The following FUBP3 variants were observed in gnomAD, a reference collection of about 807,000 sequenced individuals.
FUBP3 encodes far upstream element-binding protein 3.
Under a neutral mutation model 85.6 loss-of-function variants are expected in FUBP3, and 28 were observed. The observed-to-expected ratio is 0.33, with a 90% CI of 0.24 to 0.45. The LOEUF is 0.45. Ranked by LOEUF, FUBP3 falls within the 20% of genes least tolerant of loss-of-function variation. The probability of loss-of-function intolerance (pLI) is 1.00; values close to 1 mark genes in which losing one functional copy is unlikely to be tolerated. For synonymous variants in FUBP3, 271 were observed against 271.4 expected (o/e 1.00, Z 0.01); for missense variants, 583 against 755.1 (o/e 0.77, Z 2.67).
intron 11 of FUBP3, among the ~76,000 whole-genome samples, chr9:130,625,649 C>T (rs747382821): frequency 1.3e-5 from 2 of 152,234 alleles, no homozygotes; most frequent in Non-Finnish European, 2.9e-5. Context: ...TGAAAGGGCT[C>T]TTCCTCTGTC....
intron 16 of FUBP3, among the ~76,000 whole-genome samples, chr9:130,633,566 A>T (rs1564229172): frequency 6.6e-6 from 1 of 152,172 alleles, no homozygotes; most frequent in Non-Finnish European, 1.5e-5. Flanking sequence ...TCTTGCCGCC[A>T]TTGGGCAGCC....
At chr9:130,620,605 G>A (rs1408847976) in intron 9 of FUBP3, 147 bp downstream of exon 9, 1 of 463,566 alleles carries the variant, frequency 2.2e-6, no homozygotes, top group African/African-American at 2.0e-5. Flanking sequence ...GTGGGTGTGA[G>A]GGTGGACTGG....
intron 2 of FUBP3, among the ~76,000 whole-genome samples, chr9:130,606,396 C>CG (rs1053694327): frequency 7.9e-4 from 120 of 152,308 alleles, no homozygotes; most frequent in African/African-American, 2.9e-3. Context: ...CCACCCCCCC[C>CG]CAACAGACTC....
chr9:130,623,568 C>T (rs1829841521), intron 10 of FUBP3, 43 bp from the exon 11 acceptor site: 2 of 1,252,254 alleles, frequency 1.6e-6, no homozygotes, highest in African/African-American at 1.5e-5. Flanking sequence ...TTCCTTCTAA[C>T]GTTGGGCTTT....
chr9:130,612,604 T>C lies in FUBP3; in HGVS notation c.274+99T>C, dbSNP rs1831801886. 2 of 810,722 alleles carry C rather than the reference T, an allele frequency of 2.5e-6. No individual in the cohort carries two copies. Among genetic ancestry groups the C allele is most frequent in the Admixed American group, 4.2e-5 (2 of 47,628 alleles). 50.2% of individuals were successfully genotyped at this position (810,722 alleles called of 1,614,324 possible). On this transcript the variant is annotated intron_variant, in intron 4 of 18. Transcript: ENST00000319725. The surrounding 1 kb of genome is among the most constrained non-coding windows in gnomAD (Gnocchi z 4.1). ...TGCCAGGATGTTCTTTTTGTTTTAA[T>C]CTCTCTTGTGAGTATCACCTGTAGT...
chr9:130,582,640 C>A (rs891205643), intron 1 of FUBP3, among the ~76,000 whole-genome samples: 1 of 152,208 alleles, frequency 6.6e-6, no homozygotes, highest in Non-Finnish European at 1.5e-5. Flanking sequence ...TCCTGTTCCA[C>A]AGCCGTCCTC....
intron 2 of FUBP3, among the ~76,000 whole-genome samples, chr9:130,603,565 G>A (rs1268833571): frequency 6.6e-6 from 1 of 152,114 alleles, no homozygotes; most frequent in African/African-American, 2.4e-5. Flanking sequence ...GTTGGAAAAA[G>A]GCAGTGAGAT....
intron 5 of FUBP3, among the ~76,000 whole-genome samples, 168 bp from the exon 6 acceptor site, chr9:130,614,120 G>C (rs145384699): frequency 7.5e-4 from 115 of 152,348 alleles, no homozygotes; most frequent in African/African-American, 2.7e-3. Flanking sequence ...CTAGGGTGGA[G>C]CTACCAGCTT....
intron 12 of FUBP3, among the ~76,000 whole-genome samples, chr9:130,627,251 G>A (rs987593640): frequency 7.2e-5 from 11 of 152,244 alleles, no homozygotes; most frequent in African/African-American, 1.4e-4. Flanking sequence ...AGCAGGGCTC[G>A]GCTTCCGTGG....
intron 2 of FUBP3, among the ~76,000 whole-genome samples, chr9:130,607,137 A>C (rs1167257109): frequency 6.9e-6 from 1 of 143,924 alleles, no homozygotes; most frequent in African/African-American, 2.5e-5. Flanking sequence ...TAATTTGTGT[A>C]TTTTTTTTTT....
intron 2 of FUBP3, among the ~76,000 whole-genome samples, chr9:130,602,894 T>G (rs1831224495): frequency 6.6e-6 from 1 of 152,112 alleles, no homozygotes; most frequent in Non-Finnish European, 1.5e-5. Context: ...CGTCTGCCCC[T>G]GAAGGTTATG....
chr9:130,627,580 G>C (rs975610830), intron 12 of FUBP3, among the ~76,000 whole-genome samples: 5 of 152,210 alleles, frequency 3.3e-5, no homozygotes, highest in African/African-American at 1.2e-4. Flanking sequence ...AAGAAACCGT[G>C]TTGTCTTTTA....
chr9:130,597,655 C>A (rs1830937415), intron 2 of FUBP3, among the ~76,000 whole-genome samples: 1 of 152,108 alleles, frequency 6.6e-6, no homozygotes, highest in African/African-American at 2.4e-5. Context: ...AGACAACTGA[C>A]AAAAAGGGGC....
intron 18 of FUBP3, among the ~76,000 whole-genome samples, chr9:130,636,682 C>G (rs141426899): frequency 6.4e-4 from 98 of 152,358 alleles, no homozygotes; most frequent in African/African-American, 2.3e-3. Context: ...GGGCGCATTT[C>G]CCACCTGATG....
chr9:130,616,296 T>G lies in FUBP3; in HGVS notation c.405-59T>G. 6.4e-7 allele frequency: 1 copy of G among 1,550,596 alleles called. No individual in the cohort carries two copies. The highest frequency in any genetic ancestry group is 8.9e-7 in the Non-Finnish European group (1 of 1,126,114). ...TTCCCTCAGTGCTATTTCCCTGTCT[T>G]GCACACTTAGAGCCTCCATTTAATG... On this transcript the variant is annotated intron_variant, in intron 6 of 18. Coordinates refer to ENST00000319725, the MANE Select transcript of FUBP3 (RefSeq NM_003934.2). This position sits in a 1 kb window ranked among gnomAD's most constrained non-coding sequence, Gnocchi z 4.7.
chr9:130,617,768 G>A, intron 7 of FUBP3, 29 bp from the exon 8 acceptor site: 1 of 1,308,140 alleles, frequency 7.6e-7, no homozygotes, highest in South Asian at 1.2e-5. Flanking sequence ...CATTATTCAT[G>A]AGGCTGTGCT....
At chr9:130,607,649 T>C (rs1181513337) in intron 2 of FUBP3, among the ~76,000 whole-genome samples, 1 of 152,230 alleles carries the variant, frequency 6.6e-6, no homozygotes, top group Non-Finnish European at 1.5e-5. Context: ...GAGTTGGACA[T>C]AGAAGTTGGC....
rs773413870 is a variant in FUBP3 at position 130,630,668 on chromosome 9, G to A, written c.1158G>A (p.Ala386=). ...NIKSINQQSG[A]HVELQRNPPP... is the part of the protein sequence containing the mutation. ...AAAGCATCAACCAGCAGTCAGGGGC[G>A]CACGTGGAGCTTCAGAGGAACCCCC... The change falls in exon 13 of 19, where the codon GCG becomes GCA. Residue 386 remains alanine, a synonymous_variant. Transcript: ENST00000319725. 3.2e-5 allele frequency: 51 copies of A among 1,600,560 alleles called. No homozygotes were observed. The highest frequency in any genetic ancestry group is 9.3e-5 in the East Asian group (4 of 42,788).
At position 130,637,988 on chromosome 9, in the gene FUBP3, C is replaced by T. The variant is rs988426241; in HGVS notation, c.*966C>T. Reference sequence around the variant, plus strand: ...ATGAATAAATAAATCTAGTATTAACCGCATTATGAATTAAATAATTTTGAT... The same window carrying T: ...ATGAATAAATAAATCTAGTATTAACTGCATTATGAATTAAATAATTTTGAT... On this transcript the variant is annotated 3_prime_UTR_variant, in exon 19 of 19. Coordinates refer to ENST00000319725, the MANE Select transcript of FUBP3 (RefSeq NM_003934.2). 7 of 151,428 alleles carry T rather than the reference C, an allele frequency of 4.6e-5. No homozygotes were observed. Among genetic ancestry groups the T allele is most frequent in the Non-Finnish European group, 8.8e-5 (6 of 67,842 alleles). The allele number at this position is 151,428 out of a possible 1,614,324, so 9.4% of individuals were successfully genotyped here. A position where few individuals can be genotyped will look rare whatever the true frequency, so the allele number is the denominator to read the frequency against.
Sources: gnomAD v4.1 joint callset for allele counts (sites outside exome capture counted in the v4.1 genomes callset) on GRCh38, gnomAD v4.1.1 for gene constraint, Gnocchi (gnomAD v3.1) non-coding constraint, MANE v1.5 for transcripts, NCBI Gene and HGNC (gene_info 2026-07-23, HGNC 2026-07-21) for gene names.